The following CCDC141 variants were observed in gnomAD, a reference collection of about 807,000 sequenced individuals.
CCDC141 encodes coiled-coil domain containing 141.
In CCDC141, 168 loss-of-function variants were observed where a neutral mutation model predicts 181.0. The observed-to-expected ratio is 0.93, with a 90% CI of 0.82 to 1.05. The LOEUF is 1.05. Ranked by LOEUF, CCDC141 falls within the 50% of genes least tolerant of loss-of-function variation. The pLI, the probability that CCDC141 is intolerant of heterozygous loss-of-function variation, is 0.00. For synonymous variants in CCDC141, 666 were observed against 642.3 expected, an observed-to-expected ratio of 1.04 and a Z score of -0.56; for missense variants, 1,902 against 1,788.5, an observed-to-expected ratio of 1.06 and a Z score of -1.14.
rs1242821971 is a variant in CCDC141 at position 178,832,008 on chromosome 2, T to A, written c.*2165A>T. ...AGAGAAAGCAAACCAGGAATTCCCA[T>A]GCCCTAACAACCCCAACACACAAAT... On this transcript the variant is annotated 3_prime_UTR_variant, in exon 24 of 24. Coordinates refer to ENST00000443758, the MANE Select transcript of CCDC141 (RefSeq NM_173648.4). 6.6e-6 allele frequency: 1 copy of A among 152,042 alleles called. No individual in the cohort carries two copies. The highest frequency in any genetic ancestry group is 1.9e-4 in the East Asian group (1 of 5,178). The allele number at this position is 152,042 out of a possible 1,614,324, so 9.4% of individuals were successfully genotyped here. A position where few individuals can be genotyped will look rare whatever the true frequency, so the allele number is the denominator to read the frequency against.
chr2:178,990,880 G>T lies in CCDC141; in HGVS notation c.226-12205C>A, dbSNP rs189355763. ...TGGAAAGGTTTTGGATCTAGATAGAGGTGATGGTTGCACATGTGAAAGGTG... is the reference window on the plus strand; with the variant it reads ...TGGAAAGGTTTTGGATCTAGATAGATGTGATGGTTGCACATGTGAAAGGTG... On this transcript the variant is annotated intron_variant, in intron 2 of 23. Transcript: ENST00000443758. 4.7e-3 allele frequency among the ~76,000 whole-genome samples: 722 copies of T among 152,190 alleles called. 5 individuals are homozygous for T. The highest frequency in any genetic ancestry group is 0.015 in the South Asian group (74 of 4,798).
chr2:179,003,190 T>A (rs17362783), intron 2 of CCDC141, among the ~76,000 whole-genome samples: 23,836 of 152,260 alleles, frequency 0.16, 1,972 homozygotes, highest in Middle Eastern at 0.26. Context: ...CATAATATTA[T>A]CTTTCATGTA....
intron 6 of CCDC141, among the ~76,000 whole-genome samples, chr2:178,923,389 C>T (rs1033372963): frequency 5.3e-5 from 8 of 152,268 alleles, no homozygotes; most frequent in African/African-American, 1.9e-4. Context: ...CAGGCGTGAG[C>T]CACCGCGCCC....
chr2:178,822,792 C>T, the CCDC141 span, among the ~76,000 whole-genome samples: 49,351 of 152,024 alleles, frequency 0.32, 9,243 homozygotes, highest in Middle Eastern at 0.44. Context: ...AAAGGCATAT[C>T]CATCATTAGA....
intron 2 of CCDC141, among the ~76,000 whole-genome samples, chr2:178,990,811 A>G (rs1412212704): frequency 2.6e-5 from 4 of 152,100 alleles, no homozygotes; most frequent in African/African-American, 9.7e-5. Flanking sequence ...AAGGGTGAAT[A>G]AGGAGTCACT....
intron 4 of CCDC141, among the ~76,000 whole-genome samples, chr2:178,973,201 A>G (rs1690976108): frequency 6.6e-6 from 1 of 152,144 alleles, no homozygotes; most frequent in African/African-American, 2.4e-5. Context: ...AAATTGCATC[A>G]ACTTCATTTT....
intron 7 of CCDC141, among the ~76,000 whole-genome samples, chr2:178,906,213 T>C (rs529735616): frequency 6.6e-6 from 1 of 152,348 alleles, no homozygotes; most frequent in Admixed American, 6.5e-5. Flanking sequence ...TCCTTTATTT[T>C]CTTCCTTTAT....
intron 2 of CCDC141, among the ~76,000 whole-genome samples, chr2:178,992,493 C>T (rs957488128): frequency 6.6e-6 from 1 of 151,960 alleles, no homozygotes; most frequent in Non-Finnish European, 1.5e-5. Context: ...CTCTAAGACA[C>T]ATTACACACT....
chr2:178,853,610 G>A lies in CCDC141; in HGVS notation c.3075C>T (p.Tyr1025=), dbSNP rs370006865. The A allele has an allele frequency of 2.2e-5, 35 of 1,611,054 alleles. No individual in the cohort carries two copies. The highest frequency in any genetic ancestry group is 1.8e-4 in the East Asian group (8 of 44,808). ...QEVIEECHFW[Y]EDASATVVRV... is the part of the protein sequence containing the mutation. ...TTACAACTGTGGCACTTGCATCTTC[G>A]TACCAAAAATGACACTAAATTTAAA... The change falls in exon 20 of 24, where the codon TAC becomes TAT. Residue 1025 remains tyrosine (Y), a synonymous_variant. Transcript: ENST00000443758.
chr2:178,974,865 T>A (rs1313306746), intron 4 of CCDC141, among the ~76,000 whole-genome samples, 192 bp downstream of exon 4: 15 of 152,164 alleles, frequency 9.9e-5, no homozygotes, highest in Admixed American at 9.8e-4. Flanking sequence ...TCCTCTACCA[T>A]CCTCTCAGAA....
chr2:178,827,079 A>G (rs556085566), downstream of CCDC141, among the ~76,000 whole-genome samples: 15 of 152,286 alleles, frequency 9.8e-5, no homozygotes, highest in South Asian at 2.5e-3. Context: ...TTTTCAAAAT[A>G]TCTAAAAATC....
chr2:179,016,223 A>G (rs2042537429), intron 2 of CCDC141, among the ~76,000 whole-genome samples: 1 of 151,832 alleles, frequency 6.6e-6, no homozygotes, highest in Admixed American at 6.6e-5. Flanking sequence ...GAGGGATAAA[A>G]GACTACAAAT....
intron 8 of CCDC141, among the ~76,000 whole-genome samples, chr2:178,905,126 C>T (rs1310622471): frequency 2.6e-5 from 4 of 152,176 alleles, no homozygotes; most frequent in Non-Finnish European, 5.9e-5. Flanking sequence ...AGTCTCCAGG[C>T]TCAGAATATG....
In CCDC141 at chr2:178,905,448, C is replaced by T; in HGVS notation, c.1146G>A (p.Glu382=). The T allele has an allele frequency of 6.4e-7, 1 of 1,550,816 alleles. No homozygotes were observed. Among genetic ancestry groups the T allele is most frequent in the East Asian group, 2.4e-5 (1 of 40,910 alleles). Residue 382 remains glutamate (E), a synonymous_variant, in exon 8 of 24, where the codon GAG becomes GAA. Coordinates refer to ENST00000443758, the MANE Select transcript of CCDC141 (RefSeq NM_173648.4). ...VEAYLKLLKS[E]GLSLAVLAVR... is the part of the protein sequence containing the mutation. ...CTGCCAAAACAGCCAGACTTAAACC[C>T]TCTGATTTAAGGAGCTTAAGGTAAG...
At chr2:179,001,479 A>G (rs1200903928) in intron 2 of CCDC141, among the ~76,000 whole-genome samples, 1 of 152,174 alleles carries the variant, frequency 6.6e-6, no homozygotes, top group Non-Finnish European at 1.5e-5. Context: ...TTCCAGGCTT[A>G]TGGTTGCAGC....
At chr2:178,821,914 C>G in the CCDC141 span, among the ~76,000 whole-genome samples, 1 of 152,100 alleles carries the variant, frequency 6.6e-6, no homozygotes, top group Non-Finnish European at 1.5e-5. Flanking sequence ...TGGGTATATA[C>G]CCAAAGGACT....
chr2:179,031,329 C>T (rs918430878), intron 2 of CCDC141, among the ~76,000 whole-genome samples: 2 of 151,380 alleles, frequency 1.3e-5, no homozygotes, highest in Non-Finnish European at 2.9e-5. Flanking sequence ...CTTTTAATAT[C>T]TGTGGGGTTT....
intron 2 of CCDC141, among the ~76,000 whole-genome samples, chr2:178,991,637 T>C (rs1692059158): frequency 6.6e-6 from 1 of 152,074 alleles, no homozygotes; most frequent in African/African-American, 2.4e-5. Context: ...AGAGTGACTA[T>C]AGTTAATTAT....
intron 12 of CCDC141, chr2:178,873,335 C>T (rs1686203718): frequency 6.6e-6 from 1 of 151,822 alleles, no homozygotes; most frequent in African/African-American, 2.4e-5. Flanking sequence ...TGAGATTTCC[C>T]CCATGAACTT....
Sources: gnomAD v4.1 joint callset for allele counts (sites outside exome capture counted in the v4.1 genomes callset) on GRCh38, gnomAD v4.1.1 for gene constraint, MANE v1.5 for transcripts, NCBI Gene and HGNC (gene_info 2026-07-23, HGNC 2026-07-21) for gene names.